VRK1: variants seen among roughly 807,000 people sequenced by gnomAD.
VRK1 encodes serine/threonine-protein kinase VRK1.
VRK1 carries 33 observed loss-of-function variants against 57.1 expected under a neutral mutation model. That is an observed-to-expected ratio of 0.58 (90% CI 0.44 to 0.77). The LOEUF (loss-of-function observed/expected upper bound fraction) is 0.77. Among genes scored for constraint, VRK1 ranks in the 30% least tolerant of loss-of-function variants. VRK1 has a pLI of 0.00. For synonymous variants in VRK1, 137 were observed against 147.8 expected (o/e 0.93, Z 0.53); for missense variants, 413 against 477.3 (o/e 0.87, Z 1.25).
At chr14:96,875,355 C>A (rs1320596834) in intron 11 of VRK1, among the ~76,000 whole-genome samples, 1 of 152,116 alleles carries the variant, frequency 6.6e-6, no homozygotes, top group East Asian at 1.9e-4. Flanking sequence ...AAAAATAGGA[C>A]AGGCCCAAGA....
Position 96,869,200 on chromosome 14 carries a change from T to C in VRK1, c.1069-6830T>C, listed in dbSNP as rs569014378. Among the ~76,000 whole-genome samples the C allele has an allele frequency of 2.0e-5, 3 of 152,340 alleles. No homozygotes were observed. The South Asian group carries it at 6.2e-4, about 32-fold the overall frequency. On this transcript the variant is annotated intron_variant, in intron 11 of 12. Coordinates refer to ENST00000216639, the MANE Select transcript of VRK1 (RefSeq NM_003384.3). ...TGAGGAATAAAAGATATAAAGTGCT[T>C]AGAGCAGTGGCAGGCACATAGCAAG...
In VRK1 at chr14:96,860,649, C is replaced by A; in HGVS notation, c.982C>A (p.Leu328Ile). Residue 328 changes from leucine to isoleucine, a missense_variant, in exon 11 of 13, where the codon CTA (leucine) becomes ATA (isoleucine). Physicochemically the swap from Leu to Ile is conservative, Grantham distance 5. Around this residue, in one of 3 missense-constraint regions of VRK1, gnomAD observed 146 missense variants for 138.2 expected, o/e 1.06. Coordinates refer to ENST00000216639, the MANE Select transcript of VRK1 (RefSeq NM_003384.3). ...TTTACGTGACATTCTTTTGCAAGGA[C>A]TAAAAGCTATAGGAAGTAAGGATGA... ...ENLRDILLQG[L>I]KAIGSKDDGK... 5 of 1,613,296 alleles carry A rather than the reference C, an allele frequency of 3.1e-6. No homozygotes were observed. Among genetic ancestry groups the A allele is most frequent in the Non-Finnish European group, 4.2e-6 (5 of 1,179,542 alleles).
chr14:96,802,570 C>T (rs1042440089), intron 1 of VRK1, among the ~76,000 whole-genome samples: 1 of 152,056 alleles, frequency 6.6e-6, no homozygotes, highest in South Asian at 2.1e-4. Flanking sequence ...CAGAACAGAC[C>T]GGTTTTGCTG....
rs528660026 is a variant in VRK1, at chr14:96,868,969, A to G, written c.1069-7061A>G. On this transcript the variant is annotated intron_variant, in intron 11 of 12. Coordinates refer to ENST00000216639, the MANE Select transcript of VRK1 (RefSeq NM_003384.3). ...CGCCACCACGCCTGGCTAATTTTGCATTTTTAGTAGAGACGGGGTTTCTCC... is the reference window on the plus strand; with the variant it reads ...CGCCACCACGCCTGGCTAATTTTGCGTTTTTAGTAGAGACGGGGTTTCTCC... 2.6e-5 allele frequency among the ~76,000 whole-genome samples: 4 copies of G among 151,948 alleles called. No individual in the cohort carries two copies. In the East Asian group the frequency reaches 7.7e-4, roughly 29 times the overall value.
chr14:96,852,780 T>A (rs753186957), intron 5 of VRK1, 51 bp from the exon 6 acceptor site: 4 of 1,388,162 alleles, frequency 2.9e-6, no homozygotes, highest in Admixed American at 1.7e-5. Flanking sequence ...ATTACAAAGT[T>A]GGTTTTCTTG....
At chr14:96,862,511 C>T (rs1319809910) in intron 11 of VRK1, among the ~76,000 whole-genome samples, 4 of 142,006 alleles carry the variant, frequency 2.8e-5, no homozygotes, top group East Asian at 2.0e-4. Flanking sequence ...ATTTTGTTAG[C>T]TTTTTTTTTT....
chr14:96,838,625 T>C (rs1595664426), intron 3 of VRK1, among the ~76,000 whole-genome samples: 1 of 152,152 alleles, frequency 6.6e-6, no homozygotes, highest in East Asian at 1.9e-4. Flanking sequence ...ATGGGATAGA[T>C]GTACATATGA....
At chr14:96,832,330 C>T (rs1181410136) in intron 1 of VRK1, among the ~76,000 whole-genome samples, 1 of 152,076 alleles carries the variant, frequency 6.6e-6, no homozygotes, top group African/African-American at 2.4e-5. Flanking sequence ...CTTAATCATT[C>T]TTATTAACCT....
At chr14:96,829,919 G>T (rs1193155687) in intron 1 of VRK1, among the ~76,000 whole-genome samples, 1 of 151,994 alleles carries the variant, frequency 6.6e-6, no homozygotes, top group South Asian at 2.1e-4. Context: ...CTTCTACTGG[G>T]CTTCTTCTCT....
chr14:96,833,008 G>A (rs984009103), intron 1 of VRK1, among the ~76,000 whole-genome samples: 2 of 152,080 alleles, frequency 1.3e-5, no homozygotes, highest in Admixed American at 6.5e-5. Flanking sequence ...AGCATGTCCC[G>A]GGAACCTTTG....
chr14:96,842,945 G>T (rs950726414), intron 3 of VRK1, among the ~76,000 whole-genome samples: 1 of 152,220 alleles, frequency 6.6e-6, no homozygotes, highest in Non-Finnish European at 1.5e-5. Flanking sequence ...TTGTCAAAAA[G>T]TTGGTTATTG....
chr14:96,809,565 G>T (rs1168672349), intron 1 of VRK1, among the ~76,000 whole-genome samples: 8 of 143,724 alleles, frequency 5.6e-5, no homozygotes, highest in South Asian at 2.1e-4. Flanking sequence ...TTGCTTGCTT[G>T]CTTTCTTTTT....
intron 12 of VRK1, among the ~76,000 whole-genome samples, chr14:96,879,936 A>AT (rs1047946512): frequency 8.8e-5 from 13 of 148,330 alleles, no homozygotes; most frequent in African/African-American, 3.2e-4. Context: ...CAAAAAAAAA[A>AT]ATAATAATAA....
At chr14:96,876,147 C>A in intron 12 of VRK1, 27 bp downstream of exon 12, 1 of 1,608,350 alleles carries the variant, frequency 6.2e-7, no homozygotes, top group Non-Finnish European at 8.5e-7. Flanking sequence ...TGCCTAGCTG[C>A]TTTCATAGGT....
At chr14:96,799,415 T>C (rs1413569862) in intron 1 of VRK1, among the ~76,000 whole-genome samples, 1 of 152,154 alleles carries the variant, frequency 6.6e-6, no homozygotes, top group Non-Finnish European at 1.5e-5. Context: ...AAAACAAGAT[T>C]TTAATTTTGA....
chr14:96,834,404 C>G (rs75396802), intron 2 of VRK1, among the ~76,000 whole-genome samples: 12,659 of 152,174 alleles, frequency 0.083, 693 homozygotes, highest in Non-Finnish European at 0.13. Context: ...ATTAGTGTCA[C>G]TTGGGAACTT....
chr14:96,857,883 C>A (rs1188964443), intron 10 of VRK1, among the ~76,000 whole-genome samples: 1 of 152,100 alleles, frequency 6.6e-6, no homozygotes, highest in African/African-American at 2.4e-5. Flanking sequence ...GAGTCACTTA[C>A]CTTAATTTCC....
rs770454731 is a variant in VRK1, at chr14:96,881,403, T to G, written c.*195T>G. 3.6e-6 allele frequency: 2 copies of G among 561,652 alleles called. No individual in the cohort carries two copies. The highest frequency in any genetic ancestry group is 3.1e-6 in the Non-Finnish European group (1 of 327,686). 34.8% of individuals were successfully genotyped at this position (561,652 alleles called of 1,614,324 possible). ...TCATTAAAGGCTAATTTATGAAATT[T>G]GAAAATCTTCAGGTTATACTCCTTA... On this transcript the variant is annotated 3_prime_UTR_variant, in exon 13 of 13. Transcript: ENST00000216639.
chr14:96,817,041 G>A (rs1050543478), intron 1 of VRK1, among the ~76,000 whole-genome samples: 1 of 152,150 alleles, frequency 6.6e-6, no homozygotes, highest in Non-Finnish European at 1.5e-5. Context: ...TCTGAGGTTT[G>A]CTTTAAAATA....
Sources: gnomAD v4.1 joint callset for allele counts (sites outside exome capture counted in the v4.1 genomes callset) on GRCh38, gnomAD v4.1.1 for gene constraint, gnomAD v4.1.1 regional missense constraint, MANE v1.5 for transcripts, NCBI Gene and HGNC (gene_info 2026-07-23, HGNC 2026-07-21) for gene names.